MYT1L: variants seen among roughly 807,000 people sequenced by gnomAD.
The protein encoded by MYT1L is myelin transcription factor 1-like protein.
In MYT1L, 12 loss-of-function variants were observed where a neutral mutation model predicts 126.7. That is an observed-to-expected ratio of 0.09 (90% CI 0.06 to 0.15). The LOEUF (loss-of-function observed/expected upper bound fraction) is 0.15. MYT1L is among the 10% of genes least tolerant of loss of function. The pLI is 1.00. For synonymous variants in MYT1L, 541 were observed against 604.2 expected (o/e 0.90, Z 1.53); for missense variants, 979 against 1,585.2 (o/e 0.62, Z 6.49).
At chr2:2,187,656 A>G (rs945420975) in intron 2 of MYT1L, among the ~76,000 whole-genome samples, 3 of 152,054 alleles carry the variant, frequency 2.0e-5, no homozygotes, top group Non-Finnish European at 4.4e-5. Flanking sequence ...ACGCTGGCTA[A>G]AAATACGTTT....
intron 1 of MYT1L, among the ~76,000 whole-genome samples, chr2:2,301,067 C>T (rs1360593244): frequency 6.6e-6 from 1 of 152,090 alleles, no homozygotes; most frequent in Non-Finnish European, 1.5e-5. Context: ...TGCTCTGTGC[C>T]AGCCTTGCAC....
chr2:2,205,366 G>A (rs993432678), intron 2 of MYT1L, among the ~76,000 whole-genome samples: 4 of 152,022 alleles, frequency 2.6e-5, no homozygotes, highest in Admixed American at 2.0e-4. Context: ...TTTTTACTAT[G>A]TGAACCTTAA....
chr2:2,158,941 T>C (rs765086836), intron 3 of MYT1L, among the ~76,000 whole-genome samples: 1 of 152,182 alleles, frequency 6.6e-6, no homozygotes, highest in Non-Finnish European at 1.5e-5. Context: ...CGCTTACCTA[T>C]AGGGCATTTT....
chr2:2,005,486 T>C, intron 4 of MYT1L, among the ~76,000 whole-genome samples: 1 of 150,628 alleles, frequency 6.6e-6, no homozygotes, highest in Admixed American at 6.6e-5. Flanking sequence ...CTGAATGCGT[T>C]CTTTCCTGCA....
chr2:1,914,121 G>A (rs552387925), intron 11 of MYT1L, among the ~76,000 whole-genome samples: 7 of 152,150 alleles, frequency 4.6e-5, no homozygotes, highest in Non-Finnish European at 1.0e-4. Context: ...AGCCGTGGTG[G>A]CATGCACCTG....
At chr2:2,214,236 A>G (rs957270821) in intron 2 of MYT1L, among the ~76,000 whole-genome samples, 1 of 151,814 alleles carries the variant, frequency 6.6e-6, no homozygotes, top group Non-Finnish European at 1.5e-5. Context: ...TAACCTAAAA[A>G]AAAAAGAAAC....
rs746571082 is a variant in MYT1L at position 1,910,201 on chromosome 2, A to G, written c.1817+39T>C. 1 of 1,574,088 alleles carries G rather than the reference A, an allele frequency of 6.4e-7. No homozygotes were observed. Among genetic ancestry groups the G allele is most frequent in the Middle Eastern group, 1.7e-4 (1 of 5,988 alleles). On this transcript the variant is annotated intron_variant, in intron 13 of 24. Coordinates refer to ENST00000647738, the MANE Select transcript of MYT1L (RefSeq NM_001303052.2). The surrounding 1 kb of genome is among the most constrained non-coding windows in gnomAD (Gnocchi z 4.8). ...AGCGCTCCGAGGTGTGGGGCAGACT[A>G]TGGATAGAGCTCACGGATGGTGCAC... is the stretch of plus-strand genomic sequence containing the variant.
intron 2 of MYT1L, among the ~76,000 whole-genome samples, chr2:2,217,291 A>G (rs891919010): frequency 6.6e-6 from 1 of 152,232 alleles, no homozygotes; most frequent in Non-Finnish European, 1.5e-5. Context: ...CCAACAGCGT[A>G]TAAGAAGTAC....
chr2:2,204,962 G>A (rs1482347157), intron 2 of MYT1L, among the ~76,000 whole-genome samples: 1 of 151,742 alleles, frequency 6.6e-6, no homozygotes, highest in Non-Finnish European at 1.5e-5. Flanking sequence ...GTCCTTTGTA[G>A]GGACATGGAT....
At chr2:2,148,295 CT>C (rs1393346594) in intron 3 of MYT1L, among the ~76,000 whole-genome samples, 2 of 152,212 alleles carry the variant, frequency 1.3e-5, no homozygotes, top group African/African-American at 4.8e-5. Flanking sequence ...CGGGATGAAA[CT>C]GTTCCATCAG....
At chr2:1,851,376 G>A (rs905855415) in intron 19 of MYT1L, among the ~76,000 whole-genome samples, 4 of 152,134 alleles carry the variant, frequency 2.6e-5, no homozygotes, top group Non-Finnish European at 5.9e-5. Context: ...AAGTGCAGCT[G>A]GATAGGTGGA....
intron 21 of MYT1L, among the ~76,000 whole-genome samples, chr2:1,819,108 A>C (rs1363919796): frequency 1.3e-5 from 2 of 152,192 alleles, no homozygotes; most frequent in East Asian, 3.9e-4. Flanking sequence ...CACACAGCTC[A>C]TTCCTGCAGC....
chr2:2,249,957 A>G (rs2094604129), intron 2 of MYT1L, among the ~76,000 whole-genome samples: 2 of 152,218 alleles, frequency 1.3e-5, no homozygotes, highest in Admixed American at 6.5e-5. Context: ...AATGCAAATC[A>G]AAGCTACAAT....
chr2:2,002,962 G>GC (rs2062549104), intron 4 of MYT1L, among the ~76,000 whole-genome samples: 1 of 152,086 alleles, frequency 6.6e-6, no homozygotes. Flanking sequence ...GCCCTCCCCA[G>GC]CTATGTTAAA....
chr2:1,807,746 T>A (rs1034073429), intron 22 of MYT1L, among the ~76,000 whole-genome samples: 2 of 152,106 alleles, frequency 1.3e-5, no homozygotes, highest in Non-Finnish European at 2.9e-5. Context: ...GAGAGCAGAA[T>A]CACTGCTTTT....
chr2:2,078,065 G>A (rs1357976482), intron 3 of MYT1L, among the ~76,000 whole-genome samples: 1 of 152,120 alleles, frequency 6.6e-6, no homozygotes, highest in African/African-American at 2.4e-5. Context: ...AGAAATGGAA[G>A]AATATGGTAA....
At chr2:2,264,631 G>A (rs552613638) in intron 2 of MYT1L, among the ~76,000 whole-genome samples, 41 of 152,214 alleles carry the variant, frequency 2.7e-4, no homozygotes, top group African/African-American at 8.7e-4. Flanking sequence ...GGTGCTCAGC[G>A]GAGTGTGTAC....
At chr2:2,160,570 C>T (rs548389568) in intron 3 of MYT1L, among the ~76,000 whole-genome samples, 38 of 152,284 alleles carry the variant, frequency 2.5e-4, no homozygotes, top group Middle Eastern at 6.8e-3. Flanking sequence ...ACAACCTGGG[C>T]AACATGCGTC....
chr2:2,020,967 T>A (rs1216351566), intron 4 of MYT1L, among the ~76,000 whole-genome samples: 1 of 152,228 alleles, frequency 6.6e-6, no homozygotes, highest in Non-Finnish European at 1.5e-5. Context: ...CCTTCCCTCC[T>A]GCAGCAGAAG....
Sources: gnomAD v4.1 joint callset for allele counts (sites outside exome capture counted in the v4.1 genomes callset) on GRCh38, gnomAD v4.1.1 for gene constraint, Gnocchi (gnomAD v3.1) non-coding constraint, MANE v1.5 for transcripts, NCBI Gene and HGNC (gene_info 2026-07-23, HGNC 2026-07-21) for gene names.